Variants in AHCYL2 observed in about 807,000 individuals in gnomAD.
AHCYL2 encodes the protein S-adenosylhomocysteine hydrolase-like protein 2.
Under a neutral mutation model 81.4 loss-of-function variants are expected in AHCYL2, and 28 were observed. The observed-to-expected ratio is 0.34, with a 90% CI of 0.25 to 0.47. The LOEUF is 0.47. Among genes scored for constraint, AHCYL2 ranks in the 20% least tolerant of loss-of-function variants. The pLI, the probability that AHCYL2 is intolerant of heterozygous loss-of-function variation, is 1.00. For synonymous variants in AHCYL2, 272 were observed against 290.2 expected (o/e 0.94, Z 0.64); for missense variants, 551 against 785.1 (o/e 0.70, Z 3.56).
At chr7:129,356,204 G>T (rs563318063) in intron 1 of AHCYL2, among the ~76,000 whole-genome samples, 1 of 152,178 alleles carries the variant, frequency 6.6e-6, no homozygotes, top group South Asian at 2.1e-4. Context: ...CATTTTCAAA[G>T]TTGACCTCAA....
intron 1 of AHCYL2, among the ~76,000 whole-genome samples, chr7:129,305,191 G>T (rs1797395974): frequency 6.6e-6 from 1 of 152,192 alleles, no homozygotes; most frequent in Non-Finnish European, 1.5e-5. Context: ...GCCGGGCATG[G>T]TGGCTCATGC....
rs111847149 is a variant in AHCYL2, at chr7:129,387,536, T to C, written c.476-1520T>C. Among the ~76,000 whole-genome samples, 899 of 152,376 alleles carry C rather than the reference T, an allele frequency of 5.9e-3. 11 individuals carry two copies. Among genetic ancestry groups the C allele is most frequent in the African/African-American group, 0.021 (867 of 41,592 alleles). The stretch of plus-strand genomic sequence containing the variant: ...TTGAGATTTCAGGATATTCTGAATA[T>C]GAACACTTTCTTCAAAAGTAATTTT... On this transcript the variant is annotated intron_variant, in intron 2 of 16. Coordinates refer to ENST00000325006, the MANE Select transcript of AHCYL2 (RefSeq NM_015328.4).
rs71162600 is a variant in AHCYL2 at position 129,399,141 on chromosome 7, C to CAAAA, written c.824-1129_824-1126dup. The stretch of plus-strand genomic sequence containing the variant: ...TGGGTGACAGAGTGAGACTCCATCT[C>CAAAA]AAAAAAAAAAAAAAAAAAAAAAAGA... On this transcript the variant is annotated intron_variant, in intron 5 of 16. Transcript: ENST00000325006. Among the ~76,000 whole-genome samples, 228 of 44,874 alleles carry CAAAA rather than the reference C, an allele frequency of 5.1e-3. 1 individual carries two copies. The highest frequency in any genetic ancestry group is 5.7e-3 in the Non-Finnish European group (156 of 27,202). The allele number at this position is 44,874 out of a possible 152,430, so 29.4% of individuals were successfully genotyped here.
In AHCYL2 at chr7:129,405,280, G is replaced by A. The variant is rs530095491; in HGVS notation, c.1142+67G>A. On this transcript the variant is annotated intron_variant, in intron 8 of 16. Coordinates refer to ENST00000325006, the MANE Select transcript of AHCYL2 (RefSeq NM_015328.4). ...TGAGATTCTAAGTTTTTTGGCTTTGGTTATTTCTGGAAAGGATTCATGTAG... is the reference window on the plus strand; with the variant it reads ...TGAGATTCTAAGTTTTTTGGCTTTGATTATTTCTGGAAAGGATTCATGTAG... 102 of 1,228,674 alleles carry A rather than the reference G, an allele frequency of 8.3e-5. No homozygotes were observed. The Admixed American group carries it at 2.2e-3, about 27-fold the overall frequency. 76.1% of individuals were successfully genotyped at this position (1,228,674 alleles called of 1,614,324 possible).
chr7:129,267,289 A>G (rs1274757383), intron 1 of AHCYL2, among the ~76,000 whole-genome samples: 1 of 140,554 alleles, frequency 7.1e-6, no homozygotes, highest in Non-Finnish European at 1.6e-5. Context: ...CAACTTATTG[A>G]GTTCAATCAA....
chr7:129,389,559 A>G (rs1029694285), intron 3 of AHCYL2, 75 bp from the exon 4 acceptor site: 140 of 1,257,162 alleles, frequency 1.1e-4, no homozygotes, highest in Non-Finnish European at 6.6e-5. Context: ...ACTTAAGAAA[A>G]CAAGTTTTTC....
At chr7:129,234,000 C>A (rs966773324) in intron 1 of AHCYL2, among the ~76,000 whole-genome samples, 3 of 151,968 alleles carry the variant, frequency 2.0e-5, no homozygotes, top group African/African-American at 7.2e-5. Flanking sequence ...CCCCTCCCCC[C>A]TTCCTCCTCC....
chr7:129,288,216 A>T (rs1475265389), intron 1 of AHCYL2, among the ~76,000 whole-genome samples: 1 of 151,530 alleles, frequency 6.6e-6, no homozygotes, highest in East Asian at 1.9e-4. Context: ...TTTGTTTTGC[A>T]GTTTTTTGTT....
At chr7:129,387,772 T>C (rs1379348310) in intron 2 of AHCYL2, among the ~76,000 whole-genome samples, 1 of 152,232 alleles carries the variant, frequency 6.6e-6, no homozygotes, top group African/African-American at 2.4e-5. Context: ...AAACTTTTTG[T>C]ACAGATTAGC....
intron 1 of AHCYL2, among the ~76,000 whole-genome samples, chr7:129,376,953 G>T (rs1794716263): frequency 6.6e-6 from 1 of 152,146 alleles, no homozygotes; most frequent in Non-Finnish European, 1.5e-5. Flanking sequence ...CTTCTTCCCA[G>T]CTCTTTTTGC....
At chr7:129,250,551 A>G (rs910581821) in intron 1 of AHCYL2, among the ~76,000 whole-genome samples, 7 of 152,218 alleles carry the variant, frequency 4.6e-5, no homozygotes, top group African/African-American at 1.7e-4. Context: ...TACACTGTCT[A>G]GAACCTCCAG....
intron 1 of AHCYL2, among the ~76,000 whole-genome samples, chr7:129,332,964 A>T (rs1012903548): frequency 3.3e-5 from 5 of 152,176 alleles, no homozygotes; most frequent in African/African-American, 1.2e-4. Flanking sequence ...TGACTTAGTC[A>T]TTCTTCCCAG....
chr7:129,383,785 T>C (rs1662002994), intron 2 of AHCYL2, among the ~76,000 whole-genome samples: 1 of 152,196 alleles, frequency 6.6e-6, no homozygotes, highest in Non-Finnish European at 1.5e-5. Context: ...TCGAGACCTT[T>C]GTACCTGTTC....
chr7:129,397,181 T>C, intron 4 of AHCYL2, 41 bp from the exon 5 acceptor site: 2 of 1,522,674 alleles, frequency 1.3e-6, no homozygotes, highest in Non-Finnish European at 9.0e-7. Flanking sequence ...ACTAGTTGTT[T>C]GGCCCAGGCT....
intron 1 of AHCYL2, among the ~76,000 whole-genome samples, chr7:129,303,994 C>T (rs982416749): frequency 6.6e-6 from 1 of 151,906 alleles, no homozygotes; most frequent in Non-Finnish European, 1.5e-5. Flanking sequence ...GGCTGAGGCG[C>T]AAGACTCACT....
At chr7:129,293,540 TG>T (rs1373584692) in intron 1 of AHCYL2, among the ~76,000 whole-genome samples, 1 of 151,940 alleles carries the variant, frequency 6.6e-6, no homozygotes. Context: ...TAGCTGGGCA[TG>T]GTGGCACATG....
intron 1 of AHCYL2, among the ~76,000 whole-genome samples, chr7:129,235,404 C>T (rs956071094): frequency 7.0e-6 from 1 of 142,650 alleles, no homozygotes; most frequent in Non-Finnish European, 1.6e-5. Flanking sequence ...CCACCTCATC[C>T]AGCCTCCTTC....
chr7:129,413,234 C>T (rs952212793), intron 11 of AHCYL2, among the ~76,000 whole-genome samples: 1 of 149,230 alleles, frequency 6.7e-6, no homozygotes, highest in Non-Finnish European at 1.5e-5. Context: ...CTCCACCTCC[C>T]GGGTTCATGC....
intron 1 of AHCYL2, among the ~76,000 whole-genome samples, chr7:129,335,157 G>A (rs901751019): frequency 2.6e-4 from 39 of 152,054 alleles, no homozygotes; most frequent in African/African-American, 9.2e-4. Context: ...CAGGGCGGAG[G>A]ACTGCTTGAG....
Sources: allele counts gnomAD v4.1 joint callset (sites outside exome capture counted in the v4.1 genomes callset), GRCh38; gene constraint gnomAD v4.1.1; transcripts MANE v1.5; gene names NCBI Gene and HGNC (gene_info 2026-07-23, HGNC 2026-07-21).